Variants in SNX24 observed in about 807,000 individuals in gnomAD.
SNX24 encodes the protein sorting nexin 24.
In SNX24, 22 loss-of-function variants were observed where a neutral mutation model predicts 28.7. The ratio of observed to expected loss-of-function variants is 0.77; its 90% CI spans 0.55 to 1.10. The LOEUF is 1.10. SNX24 is among the 50% of genes least tolerant of loss of function. The pLI is 0.00. For missense variants in SNX24, 221 were observed against 201.1 expected, an observed-to-expected ratio of 1.10 and a Z score of -0.60; for synonymous variants, 69 against 71.5, an observed-to-expected ratio of 0.96 and a Z score of 0.18.
chr5:123,016,374 C>A (rs1762679432), intron 5 of SNX24, among the ~76,000 whole-genome samples: 1 of 152,126 alleles, frequency 6.6e-6, no homozygotes, highest in African/African-American at 2.4e-5. Context: ...CAGCAAGTTA[C>A]AAAGCCCCAA....
chr5:122,911,239 A>G (rs1332137875), intron 1 of SNX24, among the ~76,000 whole-genome samples: 1 of 152,056 alleles, frequency 6.6e-6, no homozygotes, highest in East Asian at 1.9e-4. Context: ...GCATTTTTTC[A>G]TGTGTCTTTT....
chr5:122,855,961 CTTTTA>C (rs1755170255), intron 1 of SNX24, among the ~76,000 whole-genome samples: 1 of 152,122 alleles, frequency 6.6e-6, no homozygotes. Flanking sequence ...AATTTGCCAT[CTTTTA>C]TTTATTTACT....
At chr5:122,971,855 A>T (rs1166144176) in intron 3 of SNX24, among the ~76,000 whole-genome samples, 2 of 139,520 alleles carry the variant, frequency 1.4e-5, no homozygotes, top group East Asian at 4.6e-4. Context: ...GCCCTCAGCC[A>T]GCACCTCAGT....
At chr5:123,004,488 T>C (rs891925240) in intron 6 of SNX24, among the ~76,000 whole-genome samples, 9 of 152,212 alleles carry the variant, frequency 5.9e-5, no homozygotes, top group African/African-American at 2.2e-4. Flanking sequence ...CTGACCAGAA[T>C]GCTGTCATAG....
At chr5:123,028,803 A>T (rs1762900085) in intron 5 of SNX24, 2 of 1,613,638 alleles carry the variant, frequency 1.2e-6, no homozygotes, top group Admixed American at 3.3e-5. Context: ...TGGTGATGTC[A>T]CCTCCTTGAA....
downstream of SNX24, among the ~76,000 whole-genome samples, chr5:123,011,908 A>T (rs893422400): frequency 9.2e-5 from 14 of 152,278 alleles, no homozygotes; most frequent in African/African-American, 3.1e-4. Context: ...CCCAAATCTC[A>T]TCTTGAATTA....
chr5:122,885,572 A>G (rs1216247616), intron 1 of SNX24, among the ~76,000 whole-genome samples: 1 of 40,112 alleles, frequency 2.5e-5, no homozygotes, highest in African/African-American at 1.4e-4. Context: ...ATTTGGGGTC[A>G]TTTCTAAGGA....
chr5:123,002,140 G>A (rs967706829), intron 6 of SNX24, 136 bp downstream of exon 6: 4 of 715,196 alleles, frequency 5.6e-6, no homozygotes, highest in Non-Finnish European at 1.0e-5. Context: ...AGTGCTCTTG[G>A]TATAAGCGAC....
intron 3 of SNX24, among the ~76,000 whole-genome samples, chr5:122,973,219 C>T (rs1761029373): frequency 1.3e-5 from 2 of 152,208 alleles, no homozygotes; most frequent in African/African-American, 4.8e-5. Flanking sequence ...CATGCTTCTT[C>T]CAAGTCCCTG....
chr5:122,895,400 A>G (rs897588819), intron 1 of SNX24, among the ~76,000 whole-genome samples: 7 of 152,280 alleles, frequency 4.6e-5, no homozygotes, highest in African/African-American at 1.7e-4. Context: ...TACCAGTGGA[A>G]AGCTCAGTGC....
chr5:122,871,026 T>C (rs534315808), intron 1 of SNX24, among the ~76,000 whole-genome samples: 3 of 152,180 alleles, frequency 2.0e-5, no homozygotes, highest in African/African-American at 7.2e-5. Context: ...GGGGTATGGA[T>C]TGAGCATCAG....
chr5:122,976,339 T>C (rs927797216), intron 3 of SNX24, among the ~76,000 whole-genome samples: 25 of 151,442 alleles, frequency 1.7e-4, no homozygotes, highest in African/African-American at 6.1e-4. Flanking sequence ...CTTTTTATGA[T>C]TGGAGTTGTT....
chr5:122,859,098 T>C (rs2150039686), intron 1 of SNX24, among the ~76,000 whole-genome samples: 1 of 152,304 alleles, frequency 6.6e-6, no homozygotes, highest in East Asian at 1.9e-4. Flanking sequence ...TGCCTGGATA[T>C]TGTAATCATT....
chr5:122,922,531 G>A (rs1225448204), intron 1 of SNX24, among the ~76,000 whole-genome samples: 1 of 151,772 alleles, frequency 6.6e-6, no homozygotes, highest in Non-Finnish European at 1.5e-5. Flanking sequence ...GGGATTACAG[G>A]TGTGAGCCAC....
chr5:123,006,273 G>A (rs1581859415), intron 6 of SNX24, among the ~76,000 whole-genome samples: 1 of 152,092 alleles, frequency 6.6e-6, no homozygotes. Context: ...CTCCTCTTCT[G>A]GGTCTTCTCC....
intron 3 of SNX24, among the ~76,000 whole-genome samples, chr5:122,962,187 A>G (rs1760513129): frequency 1.3e-5 from 2 of 152,162 alleles, no homozygotes; most frequent in South Asian, 4.1e-4. Context: ...CATGCTTTCC[A>G]TTTATCTCAA....
At chr5:123,025,079 T>A (rs1432002502) in intron 5 of SNX24, among the ~76,000 whole-genome samples, 1 of 152,250 alleles carries the variant, frequency 6.6e-6, no homozygotes, top group East Asian at 1.9e-4. Context: ...GACCTAGGTG[T>A]CTGAGCTGAA....
chr5:122,848,477 G>A (rs963968561), intron 1 of SNX24, among the ~76,000 whole-genome samples: 8 of 151,856 alleles, frequency 5.3e-5, no homozygotes, highest in Non-Finnish European at 8.8e-5. Context: ...GCCGAGGTGG[G>A]CGGATCACTT....
At chr5:122,965,867 C>T (rs1760693614) in intron 3 of SNX24, among the ~76,000 whole-genome samples, 1 of 152,210 alleles carries the variant, frequency 6.6e-6, no homozygotes, top group South Asian at 2.1e-4. Context: ...TTAAATCTAT[C>T]TTTCCCAATC....
Sources: allele counts gnomAD v4.1 joint callset (sites outside exome capture counted in the v4.1 genomes callset), GRCh38; gene constraint gnomAD v4.1.1; transcripts MANE v1.5; gene names NCBI Gene and HGNC (gene_info 2026-07-23, HGNC 2026-07-21).